EHD4: variants seen among roughly 807,000 people sequenced by gnomAD.
EHD4 encodes EH domain-containing protein 4.
Under a neutral mutation model 51.0 loss-of-function variants are expected in EHD4, and 37 were observed. The ratio of observed to expected loss-of-function variants is 0.73; its 90% CI spans 0.56 to 0.95. EHD4 has a LOEUF of 0.95. Among genes scored for constraint, EHD4 ranks in the 40% least tolerant of loss-of-function variants. The pLI, the probability that EHD4 is intolerant of heterozygous loss-of-function variation, is 0.00. For synonymous variants in EHD4, 297 were observed against 317.3 expected, an observed-to-expected ratio of 0.94 and a Z score of 0.68; for missense variants, 632 against 733.1, an observed-to-expected ratio of 0.86 and a Z score of 1.59.
chr15:41,917,095 C>CTTATTTA (rs2067589739), intron 4 of EHD4, among the ~76,000 whole-genome samples: 1 of 119,788 alleles, frequency 8.3e-6, no homozygotes, highest in African/African-American at 2.9e-5. Flanking sequence ...GCTTTCTGCT[C>CTTATTTA]CTTATTTATT....
intron 3 of EHD4, among the ~76,000 whole-genome samples, chr15:41,920,235 G>T (rs941994107): frequency 2.0e-5 from 3 of 152,174 alleles, no homozygotes; most frequent in South Asian, 2.1e-4. Context: ...TTAACATTAC[G>T]TATCACAGCC....
intron 4 of EHD4, among the ~76,000 whole-genome samples, chr15:41,914,712 A>T (rs2067571899): frequency 6.6e-6 from 1 of 152,022 alleles, no homozygotes. Flanking sequence ...ATGATCCATT[A>T]TATCATGATT....
intron 5 of EHD4, among the ~76,000 whole-genome samples, chr15:41,907,327 G>A (rs1390854246): frequency 6.6e-6 from 1 of 152,184 alleles, no homozygotes; most frequent in Non-Finnish European, 1.5e-5. Context: ...GGAAACAGCT[G>A]TCTTACTCCT....
intron 4 of EHD4, among the ~76,000 whole-genome samples, chr15:41,917,090 C>A (rs965926608): frequency 2.2e-5 from 3 of 139,440 alleles, no homozygotes; most frequent in Admixed American, 7.6e-5. Context: ...AGCGAGCTTT[C>A]TGCTCCTTAT....
intron 1 of EHD4, among the ~76,000 whole-genome samples, 168 bp from the exon 2 acceptor site, chr15:41,954,108 G>A (rs2067870881): frequency 1.3e-5 from 2 of 152,084 alleles, no homozygotes; most frequent in Non-Finnish European, 2.9e-5. Context: ...TGCAACAGAC[G>A]CTACCCCAAG....
intron 3 of EHD4, among the ~76,000 whole-genome samples, chr15:41,929,199 ACTC>A (rs1385904544): frequency 6.6e-6 from 1 of 151,112 alleles, no homozygotes; most frequent in Admixed American, 6.6e-5. Flanking sequence ...TGCTCTTCCC[ACTC>A]CTCCTTCCTT....
At position 41,900,809 on chromosome 15, in the gene EHD4, A is replaced by G. The variant is rs771319615; in HGVS notation, c.1462T>C (p.Trp488Arg). 3 of 1,614,146 alleles carry G rather than the reference A, an allele frequency of 1.9e-6. No individual in the cohort carries two copies. The highest frequency in any genetic ancestry group is 2.5e-6 in the Non-Finnish European group (3 of 1,180,014). ...KLPNSVLGKI[W>R]KLADCDCDGM... ...TCGCAGTCGCAGTCGGCCAGCTTCCAGATCTTGCCCAGGACGCTGTTGGGC... is the reference window on the plus strand; with the variant it reads ...TCGCAGTCGCAGTCGGCCAGCTTCCGGATCTTGCCCAGGACGCTGTTGGGC... Residue 488 changes from tryptophan to arginine, a missense_variant, in exon 6 of 6, where the codon TGG (tryptophan) becomes CGG (arginine). Trp to Arg is a moderately radical substitution (Grantham distance 101). Coordinates refer to ENST00000220325, the MANE Select transcript of EHD4 (RefSeq NM_139265.4). This position sits in a 1 kb window ranked among gnomAD's most constrained non-coding sequence, Gnocchi z 4.8.
chr15:41,943,477 A>G (rs1385140576), intron 2 of EHD4, among the ~76,000 whole-genome samples: 2 of 152,236 alleles, frequency 1.3e-5, no homozygotes, highest in Non-Finnish European at 2.9e-5. Context: ...TTTATTGAAC[A>G]TGCAGGTATC....
At chr15:41,920,503 C>A (rs766067451) in intron 3 of EHD4, among the ~76,000 whole-genome samples, 40 of 152,250 alleles carry the variant, frequency 2.6e-4, no homozygotes, top group Non-Finnish European at 5.3e-4. Context: ...TCCAGCCCAG[C>A]TAGTGCTGAG....
intron 5 of EHD4, chr15:41,908,465 A>T (rs908377340): frequency 6.6e-6 from 1 of 151,962 alleles, no homozygotes; most frequent in Non-Finnish European, 1.5e-5. Context: ...TGCAGTTTTT[A>T]ATCTATGCTG....
At chr15:41,910,608 T>C (rs971558848) in intron 4 of EHD4, among the ~76,000 whole-genome samples, 2 of 152,210 alleles carry the variant, frequency 1.3e-5, no homozygotes, top group Non-Finnish European at 2.9e-5. Flanking sequence ...CTCGCTCTGT[T>C]GCCCAGGCTG....
At chr15:41,953,183 C>T (rs953769374) in intron 2 of EHD4, among the ~76,000 whole-genome samples, 4 of 151,798 alleles carry the variant, frequency 2.6e-5, no homozygotes, top group East Asian at 1.9e-4. Flanking sequence ...TCCGAGTGTC[C>T]GGTGAAGGTT....
chr15:41,900,848 C>A lies in EHD4; in HGVS notation c.1423G>T (p.Val475Leu), dbSNP rs749981608. Residue 475 changes from valine (V) to leucine (L), a missense_variant, in exon 6 of 6, where the codon GTG becomes TTG. Coordinates refer to ENST00000220325, the MANE Select transcript of EHD4 (RefSeq NM_139265.4). This position sits in a 1 kb window ranked among gnomAD's most constrained non-coding sequence, Gnocchi z 4.8. ...ACGCTGTTGGGCAGCTTGGAGGTCA[C>A]CATCTCCTTCTTGGCGTTGACACCT... ...ISGVNAKKEM[V>L]TSKLPNSVLG... is the part of the protein sequence containing the mutation. 6.2e-7 allele frequency: 1 copy of A among 1,614,170 alleles called. No individual in the cohort carries two copies.
chr15:41,935,694 G>C (rs1030283749), intron 3 of EHD4, among the ~76,000 whole-genome samples: 5 of 152,140 alleles, frequency 3.3e-5, no homozygotes, highest in African/African-American at 7.2e-5. Context: ...CAGACTGCCT[G>C]GTTTCAATCC....
chr15:41,952,626 G>A (rs548347514), intron 2 of EHD4, among the ~76,000 whole-genome samples: 1 of 152,148 alleles, frequency 6.6e-6, no homozygotes, highest in African/African-American at 2.4e-5. Flanking sequence ...GTTATGGGAG[G>A]AGTACAAATA....
At chr15:41,939,792 CA>C (rs537857115) in intron 3 of EHD4, among the ~76,000 whole-genome samples, 29,116 of 80,122 alleles carry the variant, frequency 0.36, 2,177 homozygotes, top group African/African-American at 0.47. Context: ...GACTCCGTCT[CA>C]AAAAAAAAAA....
At chr15:41,967,713 G>A (rs2067969287) in intron 1 of EHD4, among the ~76,000 whole-genome samples, 1 of 152,166 alleles carries the variant, frequency 6.6e-6, no homozygotes. Flanking sequence ...ACTGAGTCTA[G>A]AAACTTATCA....
Position 41,943,098 on chromosome 15 carries a change from G to A in EHD4, c.480C>T (p.Ile160=), listed in dbSNP as rs751715235. 6.3e-5 allele frequency: 100 copies of A among 1,588,246 alleles called. No homozygotes were observed. The highest frequency in any genetic ancestry group is 2.5e-4 in the Admixed American group (14 of 55,736). The change falls in exon 3 of 6, where the codon ATC becomes ATT. Residue 160 remains isoleucine (I), a synonymous_variant. Coordinates refer to ENST00000220325, the MANE Select transcript of EHD4 (RefSeq NM_139265.4). ...KSISVIDSPG[I]LSGEKQRISR... is the part of the protein sequence containing the mutation. ...TGATGCGCTGCTTCTCCCCAGAAAG[G>A]ATGCCGGGGCTGTCGATGACGCTGA...
intron 1 of EHD4, 80 bp downstream of exon 1, chr15:41,972,179 C>G: frequency 8.0e-7 from 1 of 1,248,286 alleles, no homozygotes. Flanking sequence ...GGAGGGGCAG[C>G]GGCGGGAGGC....
Sources: allele counts gnomAD v4.1 joint callset (sites outside exome capture counted in the v4.1 genomes callset), GRCh38; gene constraint gnomAD v4.1.1; non-coding constraint Gnocchi (gnomAD v3.1); transcripts MANE v1.5; gene names NCBI Gene and HGNC (gene_info 2026-07-23, HGNC 2026-07-21).